The following THSD7B variants were observed in gnomAD, a reference collection of about 807,000 sequenced individuals.
THSD7B encodes the protein thrombospondin type-1 domain-containing protein 7B.
In THSD7B, 138 loss-of-function variants were observed where a neutral mutation model predicts 213.6. The observed-to-expected ratio is 0.65, with a 90% CI of 0.56 to 0.74. The LOEUF is 0.74. THSD7B is among the 30% of genes least tolerant of loss of function. The pLI is 0.00. For synonymous variants in THSD7B, 742 were observed against 687.0 expected (o/e 1.08, Z -1.25); for missense variants, 1,931 against 1,991.5 (o/e 0.97, Z 0.58).
At chr2:137,441,079 G>A (rs1430276464) in intron 14 of THSD7B, among the ~76,000 whole-genome samples, 1 of 152,104 alleles carries the variant, frequency 6.6e-6, no homozygotes, top group Admixed American at 6.6e-5. Flanking sequence ...ATGTCACAAC[G>A]AGCTAATTAT....
chr2:137,149,066 C>T (rs1679762711), intron 5 of THSD7B, among the ~76,000 whole-genome samples: 1 of 152,162 alleles, frequency 6.6e-6, no homozygotes. Flanking sequence ...TCTATGCAGC[C>T]TCGAACATGG....
chr2:137,185,316 T>G (rs766866842), intron 7 of THSD7B, among the ~76,000 whole-genome samples: 13 of 152,106 alleles, frequency 8.5e-5, no homozygotes, highest in Non-Finnish European at 1.8e-4. Flanking sequence ...GTATATTGTG[T>G]GATGCTGATG....
intron 9 of THSD7B, among the ~76,000 whole-genome samples, chr2:137,233,795 A>G (rs995379595): frequency 2.0e-5 from 3 of 152,196 alleles, no homozygotes; most frequent in Non-Finnish European, 4.4e-5. Context: ...CACTAGACCA[A>G]ATGAGGAGAT....
At chr2:137,159,292 C>T (rs969546127) in intron 5 of THSD7B, among the ~76,000 whole-genome samples, 8 of 151,798 alleles carry the variant, frequency 5.3e-5, no homozygotes, top group Non-Finnish European at 8.8e-5. Context: ...AAAAATTAGC[C>T]GATCATGGTG....
Position 137,233,038 on chromosome 2 carries a change from C to A in THSD7B, c.2055C>A (p.Thr685=). Residue 685 remains threonine (T), a synonymous_variant, in exon 9 of 28, where the codon ACC becomes ACA. Transcript: ENST00000409968. ...EDTLVTALNA[T]IGWNGEATCG... ...CATTGGTAACTGCCCTTAATGCAAC[C>A]ATTGGCTGGAATGGAGAAGCCACGT... 1 of 1,613,914 alleles carries A rather than the reference C, an allele frequency of 6.2e-7. No homozygotes were observed. Among genetic ancestry groups the A allele is most frequent in the Non-Finnish European group, 8.5e-7 (1 of 1,179,840 alleles).
intron 12 of THSD7B, among the ~76,000 whole-genome samples, chr2:137,400,708 G>A (rs1200541885): frequency 1.3e-5 from 2 of 152,194 alleles, no homozygotes; most frequent in Non-Finnish European, 2.9e-5. Context: ...AGACCAGTAG[G>A]TGGCTTTTGC....
chr2:137,535,345 T>C, intron 15 of THSD7B, among the ~76,000 whole-genome samples: 1 of 151,732 alleles, frequency 6.6e-6, no homozygotes, highest in East Asian at 1.9e-4. Context: ...CCTGCCTTAA[T>C]TACCATTTAT....
At chr2:137,002,622 A>G (rs1686021988) in intron 2 of THSD7B, among the ~76,000 whole-genome samples, 1 of 152,196 alleles carries the variant, frequency 6.6e-6, no homozygotes, top group Non-Finnish European at 1.5e-5. Context: ...CCTCCATAAC[A>G]TCTAACACAA....
At position 137,233,054 on chromosome 2, in the gene THSD7B, GA is replaced by G; in HGVS notation, c.2073del (p.Ala692ProfsTer5). 1 of 1,613,944 alleles carries G rather than the reference GA, an allele frequency of 6.2e-7. No individual in the cohort carries two copies. Among genetic ancestry groups the G allele is most frequent in the Non-Finnish European group, 8.5e-7 (1 of 1,179,846 alleles). ...ALNATIGWNG[E>X]ATCGVGIQTR... ...TAATGCAACCATTGGCTGGAATGGA[GA>G]AGCCACGTGTGGTGTAGGCATTCAG... On this transcript the variant is annotated frameshift_variant, in exon 9 of 28. Coordinates refer to ENST00000409968, the MANE Select transcript of THSD7B (RefSeq NM_001316349.2). LOFTEE classifies it high-confidence loss of function.
intron 17 of THSD7B, among the ~76,000 whole-genome samples, chr2:137,577,497 G>A (rs921789555): frequency 6.6e-6 from 1 of 151,774 alleles, no homozygotes; most frequent in Non-Finnish European, 1.5e-5. Context: ...CCTTTGCCCC[G>A]ACACCTTCCA....
intron 15 of THSD7B, among the ~76,000 whole-genome samples, chr2:137,550,657 G>A (rs994610860): frequency 1.6e-4 from 25 of 152,066 alleles, no homozygotes; most frequent in Admixed American, 4.6e-4. Flanking sequence ...ACAGGAGTGA[G>A]GATGAAGTAC....
At chr2:137,448,147 G>T (rs1317230576) in intron 14 of THSD7B, among the ~76,000 whole-genome samples, 4 of 152,182 alleles carry the variant, frequency 2.6e-5, no homozygotes, top group Non-Finnish European at 4.4e-5. Context: ...TGAGAAACTG[G>T]TTGAAGATAG....
At position 137,411,814 on chromosome 2, in the gene THSD7B, A is replaced by G; in HGVS notation, c.2901A>G (p.Ala967=). Residue 967 remains alanine (A), a synonymous_variant, in exon 14 of 28, where the codon GCA becomes GCG. Transcript: ENST00000409968. ...GTGGAGAAGGCCTGCGCTTTCGAGC[A>G]GTAGCCTGTTCTGATAAAAATGGAA... ...KECGEGLRFR[A]VACSDKNGRP... is the part of the protein sequence containing the mutation. 1 of 1,614,022 alleles carries G rather than the reference A, an allele frequency of 6.2e-7. No homozygotes were observed. Among genetic ancestry groups the G allele is most frequent in the Non-Finnish European group, 8.5e-7 (1 of 1,179,892 alleles).
At chr2:136,986,164 T>C (rs190804233) in intron 2 of THSD7B, among the ~76,000 whole-genome samples, 56 of 149,916 alleles carry the variant, frequency 3.7e-4, no homozygotes, top group Non-Finnish European at 7.2e-4. Flanking sequence ...TTGGGACTTT[T>C]GAGTTAATAC....
intron 12 of THSD7B, among the ~76,000 whole-genome samples, chr2:137,342,300 G>A (rs1267082834): frequency 6.6e-6 from 1 of 150,598 alleles, no homozygotes; most frequent in Non-Finnish European, 1.5e-5. Context: ...TTTTTTCCCA[G>A]ACAGTTTATT....
At chr2:137,618,570 T>G in intron 19 of THSD7B, 63 bp downstream of exon 19, 19 of 1,381,838 alleles carry the variant, frequency 1.4e-5, no homozygotes, top group Non-Finnish European at 1.8e-5. Flanking sequence ...TGGTCTGCAG[T>G]TCCATGATGT....
intron 12 of THSD7B, among the ~76,000 whole-genome samples, chr2:137,362,868 G>C (rs945917770): frequency 6.6e-6 from 1 of 152,170 alleles, no homozygotes; most frequent in African/African-American, 2.4e-5. Flanking sequence ...CTTGAACTCA[G>C]CTCTGCACCA....
intron 2 of THSD7B, chr2:136,906,513 A>AT (rs1338592959): frequency 6.6e-6 from 1 of 152,064 alleles, no homozygotes; most frequent in African/African-American, 2.4e-5. Flanking sequence ...TAAACCTGAG[A>AT]TTTTTAGGAT....
intron 2 of THSD7B, among the ~76,000 whole-genome samples, chr2:136,899,562 A>G (rs1283148648): frequency 2.0e-5 from 3 of 152,154 alleles, no homozygotes; most frequent in African/African-American, 4.8e-5. Flanking sequence ...GAGGTTTCAT[A>G]AAGTTCACAA....
Sources: gnomAD v4.1 joint callset for allele counts (sites outside exome capture counted in the v4.1 genomes callset) on GRCh38, gnomAD v4.1.1 for gene constraint, MANE v1.5 for transcripts, NCBI Gene and HGNC (gene_info 2026-07-23, HGNC 2026-07-21) for gene names.